NKX3-2: variants seen among roughly 807,000 people sequenced by gnomAD.
NKX3-2 encodes the protein NK3 homeobox 2, also known as homeobox protein Nkx-3.2.
A neutral mutation model predicts 19.4 loss-of-function variants in NKX3-2; 13 were observed. The ratio of observed to expected loss-of-function variants is 0.67; its 90% CI spans 0.44 to 1.07. The LOEUF is 1.07. NKX3-2 is among the 50% of genes least tolerant of loss of function. The pLI is 0.00. For synonymous variants in NKX3-2, 269 were observed against 230.5 expected (o/e 1.17, Z -1.51); for missense variants, 562 against 488.2 (o/e 1.15, Z -1.42).
chr4:13,546,789 C>G (rs1017678035), upstream of NKX3-2: 3 of 392,268 alleles, frequency 7.6e-6, no homozygotes, highest in Non-Finnish European at 1.0e-5. Context: ...TCCCTCCCCT[C>G]TTCCCTTTGA....
chr4:13,542,126 T>C lies in NKX3-2; in HGVS notation c.869A>G (p.Gln290Arg), dbSNP rs1194713566. The C allele has an allele frequency of 1.9e-6, 3 of 1,611,584 alleles. No homozygotes were observed. Among genetic ancestry groups the C allele is most frequent in the Non-Finnish European group, 2.5e-6 (3 of 1,178,494 alleles). The part of the protein sequence containing the change: ...VAVKVLVRDD[Q>R]RQYLPGEVLR... ...CACTTCGCCGGGCAGGTATTGTCTC[T>C]GGTCGTCGCGCACCAGCACCTTTAC... is the stretch of plus-strand genomic sequence containing the variant. The change falls in exon 2 of 2, where the codon CAG (glutamine) becomes CGG (arginine). Residue 290 changes from glutamine (Q) to arginine (R), a missense_variant. Coordinates refer to ENST00000382438, the MANE Select transcript of NKX3-2 (RefSeq NM_001189.4). The surrounding 1 kb of genome is among the most constrained non-coding windows in gnomAD (Gnocchi z 6.4).
Position 13,542,419 on chromosome 4 carries a change from G to A in NKX3-2, c.576C>T (p.Val192=), listed in dbSNP as rs745675632. 1 of 1,533,222 alleles carries A rather than the reference G, an allele frequency of 6.5e-7. No individual in the cohort carries two copies. Among genetic ancestry groups the A allele is most frequent in the Admixed American group, 2.0e-5 (1 of 49,560 alleles). The allele number at this position is 1,533,222 out of a possible 1,614,324, so 95.0% of individuals were successfully genotyped here. A position where few individuals can be genotyped will look rare whatever the true frequency, so the allele number is the denominator to read the frequency against. The change falls in exon 2 of 2, where the codon GTC becomes GTT. Residue 192 remains valine (V), a synonymous_variant. Transcript: ENST00000382438. The surrounding 1 kb of genome is among the most constrained non-coding windows in gnomAD (Gnocchi z 6.4). The part of the protein sequence containing the change: ...GGGGGSGPAG[V]AEEEEEPAAP... ...CCGCCGGCTCCTCCTCCTCCTCCGC[G>A]ACGCCTGCCGGCCCGCTGCCGCCCC...
chr4:13,544,273 C>A lies in NKX3-2; in HGVS notation c.142G>T (p.Ala48Ser). The A allele has an allele frequency of 6.4e-7, 1 of 1,551,324 alleles. No individual in the cohort carries two copies. The highest frequency in any genetic ancestry group is 1.4e-5 in the African/African-American group (1 of 72,080). ...CCAAAGAGCCGCCAACAGCAGACAGCGGGAGCCGCGGCCACCGATGCCGCT... is the reference window on the plus strand; with the variant it reads ...CCAAAGAGCCGCCAACAGCAGACAGAGGGAGCCGCGGCCACCGATGCCGCT... ...GTAASVAAAP[A>S]VCCWRLFGER... Residue 48 changes from alanine (A) to serine (S), a missense_variant, in exon 1 of 2, where the codon GCT (alanine) becomes TCT (serine). Coordinates refer to ENST00000382438, the MANE Select transcript of NKX3-2 (RefSeq NM_001189.4).
chr4:13,542,343 C>T lies in NKX3-2; in HGVS notation c.652G>A (p.Val218Ile), dbSNP rs753402991. The T allele has an allele frequency of 4.5e-6, 7 of 1,557,732 alleles. No homozygotes were observed. The South Asian group carries it at 7.0e-5, about 16-fold the overall frequency. ...RSRAAFSHAQVFELERRFNHQ... is the reference protein window; with the variant it reads ...RSRAAFSHAQIFELERRFNHQ... ...TTAAAGCGGCGCTCCAGCTCGAAGA[C>T]CTGCGCGTGGGAGAAAGCGGCCCGC... The change falls in exon 2 of 2, where the codon GTC becomes ATC. Residue 218 changes from valine to isoleucine, a missense_variant. By Grantham distance (29) the Val-to-Ile change is conservative. Coordinates refer to ENST00000382438, the MANE Select transcript of NKX3-2 (RefSeq NM_001189.4). This position sits in a 1 kb window ranked among gnomAD's most constrained non-coding sequence, Gnocchi z 6.4.
rs1266614259 is a variant in NKX3-2 at position 13,543,132 on chromosome 4, A to G, written c.467-604T>C. ...AGGATGGACTGGAGAGTAAAGAGGG[A>G]GGGTTGCCCCTGCATCGAGTTTTTG... is the stretch of plus-strand genomic sequence containing the variant. On this transcript the variant is annotated intron_variant, in intron 1 of 1. Transcript: ENST00000382438. This position sits in a 1 kb window ranked among gnomAD's most constrained non-coding sequence, Gnocchi z 7.1. 1.3e-5 allele frequency among the ~76,000 whole-genome samples: 2 copies of G among 151,896 alleles called. No individual in the cohort carries two copies. The highest frequency in any genetic ancestry group is 2.9e-5 in the Non-Finnish European group (2 of 67,984).
chr4:13,542,455 C>T lies in NKX3-2; in HGVS notation c.540G>A (p.Gly180=). 2.5e-6 allele frequency: 4 copies of T among 1,583,130 alleles called. No individual in the cohort carries two copies. The highest frequency in any genetic ancestry group is 3.4e-6 in the Non-Finnish European group (4 of 1,172,694). The change falls in exon 2 of 2, where the codon GGG becomes GGA. Residue 180 remains glycine, a synonymous_variant. Coordinates refer to ENST00000382438, the MANE Select transcript of NKX3-2 (RefSeq NM_001189.4). The surrounding 1 kb of genome is among the most constrained non-coding windows in gnomAD (Gnocchi z 6.4). ...GCCCGCTGCCGCCCCCGCCGCCGGCCCCGCTGCACAGCGCGGACACGTGTG... is the reference window on the plus strand; with the variant it reads ...GCCCGCTGCCGCCCCCGCCGCCGGCTCCGCTGCACAGCGCGGACACGTGTG... ...RGAHVSALCS[G]AGGGGGSGPA... is the part of the protein sequence containing the mutation.
chr4:13,544,112 G>C lies in NKX3-2; in HGVS notation c.303C>G (p.Asn101Lys), dbSNP rs746486656. ...CGTCCGCGCAGCGCCGCCTGCTCTC[G>C]TTCTCCTCGCTGAGCGCGGAGTCCG... Reference protein sequence around the residue: ...WDSDSALSEENESRRRCADAR... With the variant: ...WDSDSALSEEKESRRRCADAR... The change falls in exon 1 of 2, where the codon AAC (asparagine) becomes AAG (lysine). Residue 101 changes from asparagine to lysine, a missense_variant. Physicochemically the swap from Asn to Lys is moderately conservative, Grantham distance 94. Transcript: ENST00000382438. 6.3e-7 allele frequency: 1 copy of C among 1,599,976 alleles called. No individual in the cohort carries two copies. Among genetic ancestry groups the C allele is most frequent in the East Asian group, 2.3e-5 (1 of 44,160 alleles).
chr4:13,547,198 T>G (rs1718152785), upstream of NKX3-2: 1 of 456,336 alleles, frequency 2.2e-6, no homozygotes, highest in Non-Finnish European at 4.4e-6. Flanking sequence ...CCGGCGTAAC[T>G]ACGGAGTCCA....
At chr4:13,547,393 T>A, upstream of NKX3-2, 1 of 360,124 alleles carries the variant, frequency 2.8e-6, no homozygotes. Flanking sequence ...ACGCTCCGGC[T>A]TGGGCCGGCC....
upstream of NKX3-2, chr4:13,546,589 G>A (rs1200924698): frequency 3.5e-6 from 1 of 281,718 alleles, no homozygotes; most frequent in Non-Finnish European, 7.1e-6. Flanking sequence ...GGTAGGGGAC[G>A]GGCAGGTATG....
At chr4:13,547,476 C>A (rs1013452869), upstream of NKX3-2, 4 of 274,568 alleles carry the variant, frequency 1.5e-5, no homozygotes, top group Non-Finnish European at 2.8e-5. Flanking sequence ...GCTCGCTCAG[C>A]GTCCGCGCCT....
rs896203246 is a variant in NKX3-2 at position 13,542,857 on chromosome 4, T to C, written c.467-329A>G. ...TCGACCCGAGCATCCGCGAAAGCCCTCCCGGCTCTCAGCGTTGAGCATTGG... is the reference window on the plus strand; with the variant it reads ...TCGACCCGAGCATCCGCGAAAGCCCCCCCGGCTCTCAGCGTTGAGCATTGG... On this transcript the variant is annotated intron_variant, in intron 1 of 1. Transcript: ENST00000382438. This position sits in a 1 kb window ranked among gnomAD's most constrained non-coding sequence, Gnocchi z 6.4. Among the ~76,000 whole-genome samples the C allele has an allele frequency of 5.5e-4, 84 of 151,888 alleles. No individual in the cohort carries two copies. Among genetic ancestry groups the C allele is most frequent in the African/African-American group, 2.0e-3 (83 of 41,344 alleles).
chr4:13,543,862 G>T lies in NKX3-2; in HGVS notation c.466+87C>A. On this transcript the variant is annotated intron_variant, in intron 1 of 1. Coordinates refer to ENST00000382438, the MANE Select transcript of NKX3-2 (RefSeq NM_001189.4). The surrounding 1 kb of genome is among the most constrained non-coding windows in gnomAD (Gnocchi z 7.1). Reference sequence around the variant, plus strand: ...GCCTCCGAGCCCCAGGGCGCAGGGTGCTCAAGCCGACCACCCCACTCGGCG... The same window carrying T: ...GCCTCCGAGCCCCAGGGCGCAGGGTTCTCAAGCCGACCACCCCACTCGGCG... The T allele has an allele frequency of 8.0e-7, 1 of 1,243,152 alleles. No homozygotes were observed. The highest frequency in any genetic ancestry group is 1.1e-6 in the Non-Finnish European group (1 of 928,692). The allele number at this position is 1,243,152 out of a possible 1,614,324, so 77.0% of individuals were successfully genotyped here.
In NKX3-2 at chr4:13,542,349, C is replaced by G; in HGVS notation, c.646G>C (p.Ala216Pro). ...CGGCGCTCCAGCTCGAAGACCTGCG[C>G]GTGGGAGAAAGCGGCCCGCGAGCGC... ...KKRSRAAFSH[A>P]QVFELERRFN... The change falls in exon 2 of 2, where the codon GCG becomes CCG. Residue 216 changes from alanine to proline, a missense_variant. Ala to Pro is a conservative substitution (Grantham distance 27). Coordinates refer to ENST00000382438, the MANE Select transcript of NKX3-2 (RefSeq NM_001189.4). The surrounding 1 kb of genome is among the most constrained non-coding windows in gnomAD (Gnocchi z 6.4). 6.5e-7 allele frequency: 1 copy of G among 1,548,176 alleles called. No individual in the cohort carries two copies. The highest frequency in any genetic ancestry group is 8.7e-7 in the Non-Finnish European group (1 of 1,148,676).
upstream of NKX3-2, chr4:13,544,691 T>G: frequency 4.3e-6 from 1 of 231,106 alleles, no homozygotes; most frequent in Non-Finnish European, 8.2e-6. Flanking sequence ...GATTATCTCA[T>G]CGCTTCTCGC....
At position 13,542,264 on chromosome 4, in the gene NKX3-2, T is replaced by C. The variant is rs763567696; in HGVS notation, c.731A>G (p.Lys244Arg). Residue 244 changes from lysine (K) to arginine (R), a missense_variant, in exon 2 of 2, where the codon AAG becomes AGG. Transcript: ENST00000382438. The surrounding 1 kb of genome is among the most constrained non-coding windows in gnomAD (Gnocchi z 6.4). ...GATTTTCACCTGCGTCTCGGTGAGC[T>C]TCAGCGACGCGGCCAGGTCTGCGCG... ...PERADLAASLKLTETQVKIWF... is the reference protein window; with the variant it reads ...PERADLAASLRLTETQVKIWF... 6.2e-7 allele frequency: 1 copy of C among 1,611,116 alleles called. No homozygotes were observed. The highest frequency in any genetic ancestry group is 8.5e-7 in the Non-Finnish European group (1 of 1,179,306).
chr4:13,542,003 C>A lies in NKX3-2; in HGVS notation c.992G>T (p.Gly331Val), dbSNP rs1717996600. ...WALSTCAAAA[G>V]TQ ...TCAGCCCAAGCGGGTTCACTGGGTG[C>A]CTGCGGCAGCTGCGCAGGTGGAGAG... The change falls in exon 2 of 2, where the codon GGC (glycine) becomes GTC (valine). Residue 331 changes from glycine (G) to valine (V), a missense_variant. Physicochemically the swap from Gly to Val is moderately radical, Grantham distance 109. Transcript: ENST00000382438. This position sits in a 1 kb window ranked among gnomAD's most constrained non-coding sequence, Gnocchi z 6.4. 1 of 1,587,058 alleles carries A rather than the reference C, an allele frequency of 6.3e-7. No homozygotes were observed. Among genetic ancestry groups the A allele is most frequent in the Non-Finnish European group, 8.6e-7 (1 of 1,167,542 alleles).
At chr4:13,545,688 A>G (rs942514625), upstream of NKX3-2, among the ~76,000 whole-genome samples, 4 of 152,208 alleles carry the variant, frequency 2.6e-5, no homozygotes, top group African/African-American at 7.2e-5. Context: ...TCCCTGGCAG[A>G]CCAATATTGA....
rs1336451143 is a variant in NKX3-2, at chr4:13,543,763, C to T, written c.466+186G>A. On this transcript the variant is annotated intron_variant, in intron 1 of 1. Coordinates refer to ENST00000382438, the MANE Select transcript of NKX3-2 (RefSeq NM_001189.4). The surrounding 1 kb of genome is among the most constrained non-coding windows in gnomAD (Gnocchi z 7.1). ...GACGTAGGGCTCTGAGGAGCTACTC[C>T]GGTCTCTCGCGGGCTCAGTTCCCGA... Among the ~76,000 whole-genome samples, 1 of 152,218 alleles carries T rather than the reference C, an allele frequency of 6.6e-6. No homozygotes were observed. The highest frequency in any genetic ancestry group is 1.5e-5 in the Non-Finnish European group (1 of 68,032).
Sources: gnomAD v4.1 joint callset for allele counts (sites outside exome capture counted in the v4.1 genomes callset) on GRCh38, gnomAD v4.1.1 for gene constraint, Gnocchi (gnomAD v3.1) non-coding constraint, MANE v1.5 for transcripts, NCBI Gene and HGNC (gene_info 2026-07-23, HGNC 2026-07-21) for gene names.